XYLT1: variants seen among roughly 807,000 people sequenced by gnomAD.
The protein encoded by XYLT1 is xylosyltransferase 1.
A neutral mutation model predicts 91.3 loss-of-function variants in XYLT1; 36 were observed. That is an observed-to-expected ratio of 0.39 (90% CI 0.30 to 0.52). XYLT1 has a LOEUF of 0.52. Ranked by LOEUF, XYLT1 falls within the 20% of genes least tolerant of loss-of-function variation. The probability of loss-of-function intolerance (pLI) is 0.68; values close to 1 mark genes in which losing one functional copy is unlikely to be tolerated. For synonymous variants in XYLT1, 588 were observed against 532.0 expected (o/e 1.11, Z -1.45); for missense variants, 1,242 against 1,284.5 (o/e 0.97, Z 0.51).
At chr16:17,197,968 G>T (rs201153217) in intron 5 of XYLT1, 25 of 562,440 alleles carry the variant, frequency 4.4e-5, no homozygotes, top group South Asian at 3.8e-4. Context: ...TGGAGTTTCC[G>T]TCTGTTTAGT....
chr16:17,365,828 G>GCA (rs1335085457), intron 1 of XYLT1, among the ~76,000 whole-genome samples: 1 of 152,106 alleles, frequency 6.6e-6, no homozygotes, highest in Non-Finnish European at 1.5e-5. Context: ...CTCCAGCTTG[G>GCA]TATGTGTATC....
chr16:17,317,429 T>C (rs2034652500), intron 2 of XYLT1, among the ~76,000 whole-genome samples: 1 of 151,558 alleles, frequency 6.6e-6, no homozygotes, highest in South Asian at 2.1e-4. Flanking sequence ...GCCCAGGAGT[T>C]CAAGACCAGC....
intron 1 of XYLT1, among the ~76,000 whole-genome samples, chr16:17,390,048 C>T (rs2035797469): frequency 1.3e-5 from 2 of 152,214 alleles, no homozygotes; most frequent in Non-Finnish European, 2.9e-5. Flanking sequence ...CTGCCCATCT[C>T]TTCAGCATCT....
At chr16:17,429,844 T>C (rs1316443234) in intron 1 of XYLT1, among the ~76,000 whole-genome samples, 1 of 152,086 alleles carries the variant, frequency 6.6e-6, no homozygotes, top group Non-Finnish European at 1.5e-5. Flanking sequence ...CTGGATTTCA[T>C]GACCAGCTTT....
chr16:17,291,482 G>C (rs1168982458), intron 2 of XYLT1, among the ~76,000 whole-genome samples: 4 of 152,216 alleles, frequency 2.6e-5, no homozygotes, highest in African/African-American at 9.6e-5. Flanking sequence ...AACAGATCCT[G>C]TGTGTCCAGC....
At chr16:17,353,703 G>A (rs7499032) in intron 2 of XYLT1, among the ~76,000 whole-genome samples, 70,132 of 151,650 alleles carry the variant, frequency 0.46, 17,501 homozygotes, top group African/African-American at 0.63. Context: ...AGTTGTGCTA[G>A]GCACTGTCTA....
chr16:17,172,471 T>TC (rs1285775958), intron 5 of XYLT1, among the ~76,000 whole-genome samples: 2 of 144,598 alleles, frequency 1.4e-5, no homozygotes, highest in South Asian at 2.2e-4. Flanking sequence ...CATTTCTTTT[T>TC]TTTTTTTTTT....
intron 3 of XYLT1, among the ~76,000 whole-genome samples, chr16:17,211,851 T>C (rs1032774802): frequency 6.6e-6 from 1 of 152,188 alleles, no homozygotes; most frequent in African/African-American, 2.4e-5. Context: ...CTTGGCACTA[T>C]TGATATTTGA....
chr16:17,329,430 G>A (rs1236471150), intron 2 of XYLT1, among the ~76,000 whole-genome samples: 3 of 152,156 alleles, frequency 2.0e-5, no homozygotes, highest in Admixed American at 6.5e-5. Context: ...ACGTCCTTAT[G>A]CCAATAGTAA....
intron 1 of XYLT1, among the ~76,000 whole-genome samples, chr16:17,415,781 G>A (rs1274972250): frequency 6.6e-6 from 1 of 152,186 alleles, no homozygotes; most frequent in Non-Finnish European, 1.5e-5. Context: ...GCTGTGGTGA[G>A]CAGGAATACG....
chr16:17,256,648 C>T (rs927229898), intron 3 of XYLT1, among the ~76,000 whole-genome samples: 6 of 125,364 alleles, frequency 4.8e-5, no homozygotes, highest in Admixed American at 3.5e-4. Context: ...GACTCCGTCT[C>T]GAAAAAAAAA....
intron 9 of XYLT1, among the ~76,000 whole-genome samples, chr16:17,131,606 C>T (rs1295644112): frequency 6.6e-6 from 1 of 152,090 alleles, no homozygotes; most frequent in Non-Finnish European, 1.5e-5. Context: ...ATCCTTATTT[C>T]TGGATGGTAG....
intron 2 of XYLT1, among the ~76,000 whole-genome samples, chr16:17,301,371 CTG>C (rs949105613): frequency 6.6e-6 from 1 of 152,138 alleles, no homozygotes; most frequent in Non-Finnish European, 1.5e-5. Context: ...GATTGCACCA[CTG>C]TACTCCAGCC....
chr16:17,247,429 C>T (rs1324226873), intron 3 of XYLT1, among the ~76,000 whole-genome samples: 1 of 152,198 alleles, frequency 6.6e-6, no homozygotes, highest in East Asian at 1.9e-4. Context: ...CCATGCCCAC[C>T]TGCAGGCTTC....
intron 3 of XYLT1, among the ~76,000 whole-genome samples, chr16:17,212,574 G>A (rs1457645275): frequency 2.0e-5 from 3 of 152,036 alleles, no homozygotes; most frequent in Non-Finnish European, 4.4e-5. Context: ...GAGACTGAAG[G>A]CTACCTCATT....
At chr16:17,257,887 C>G (rs993863116) in intron 3 of XYLT1, among the ~76,000 whole-genome samples, 3 of 152,208 alleles carry the variant, frequency 2.0e-5, no homozygotes, top group Non-Finnish European at 4.4e-5. Flanking sequence ...CCCCCTGTGG[C>G]TGCTGTCATT....
chr16:17,116,125 T>C (rs1966851883), intron 11 of XYLT1, among the ~76,000 whole-genome samples: 1 of 152,346 alleles, frequency 6.6e-6, no homozygotes, highest in East Asian at 1.9e-4. Context: ...CACACCAGAC[T>C]GTTGGCAGTG....
intron 4 of XYLT1, among the ~76,000 whole-genome samples, chr16:17,198,700 A>T (rs887984858): frequency 6.6e-6 from 1 of 152,110 alleles, no homozygotes. Flanking sequence ...GGGACTTCAC[A>T]TTTTTAAAAT....
Position 17,438,557 on chromosome 16 carries a change from T to A in XYLT1, c.363+31877A>T, listed in dbSNP as rs80312255. Among the ~76,000 whole-genome samples, 1,061 of 152,230 alleles carry A rather than the reference T, an allele frequency of 7.0e-3. 5 individuals are homozygous for A. The highest frequency in any genetic ancestry group is 0.011 in the Non-Finnish European group (739 of 68,022). On this transcript the variant is annotated intron_variant, in intron 1 of 11. Transcript: ENST00000261381. ...CTGAATCAGACTACCAGCGTTCACA[T>A]CTGTATCAGTTCATTCCCGCATCCC...
Sources: allele counts gnomAD v4.1 joint callset (sites outside exome capture counted in the v4.1 genomes callset), GRCh38; gene constraint gnomAD v4.1.1; transcripts MANE v1.5; gene names NCBI Gene and HGNC (gene_info 2026-07-23, HGNC 2026-07-21).